VEPH1: variants seen among roughly 807,000 people sequenced by gnomAD.
VEPH1 encodes ventricular zone expressed PH domain containing 1.
Under a neutral mutation model 85.2 loss-of-function variants are expected in VEPH1, and 80 were observed. That is an observed-to-expected ratio of 0.94 (90% CI 0.78 to 1.13). The LOEUF (loss-of-function observed/expected upper bound fraction) is 1.13, where lower values mean the gene tolerates loss of function less well. Among genes scored for constraint, VEPH1 ranks in the 50% most tolerant of loss-of-function variants. VEPH1 has a pLI of 0.00. For missense variants in VEPH1, 955 were observed against 980.5 expected, an observed-to-expected ratio of 0.97 and a Z score of 0.35; for synonymous variants, 297 against 348.0, an observed-to-expected ratio of 0.85 and a Z score of 1.63.
chr3:157,406,767 A>T (rs1418465273), intron 6 of VEPH1, among the ~76,000 whole-genome samples: 4 of 152,088 alleles, frequency 2.6e-5, no homozygotes, highest in African/African-American at 4.8e-5. Flanking sequence ...TGTAAAAAAA[A>T]TTTTAAAGCA....
chr3:157,483,256 A>G (rs902383632), intron 2 of VEPH1, among the ~76,000 whole-genome samples: 1 of 152,164 alleles, frequency 6.6e-6, no homozygotes, highest in Non-Finnish European at 1.5e-5. Flanking sequence ...CAGAACTGAC[A>G]GTATTGCTGG....
At chr3:157,294,961 G>T (rs1273548224) in intron 11 of VEPH1, among the ~76,000 whole-genome samples, 1 of 152,150 alleles carries the variant, frequency 6.6e-6, no homozygotes, top group Non-Finnish European at 1.5e-5. Context: ...ACCTGGAGGG[G>T]TTTATTTACA....
intron 2 of VEPH1, among the ~76,000 whole-genome samples, chr3:157,482,302 T>C (rs1187273056): frequency 6.6e-6 from 1 of 152,104 alleles, no homozygotes; most frequent in African/African-American, 2.4e-5. Flanking sequence ...CAACTCACCG[T>C]AACCTCTGCC....
intron 4 of VEPH1, among the ~76,000 whole-genome samples, chr3:157,444,727 C>T (rs967618512): frequency 4.6e-5 from 7 of 151,978 alleles, no homozygotes; most frequent in Non-Finnish European, 2.9e-5. Flanking sequence ...TGTTGCAGGC[C>T]GAGATAAATG....
At chr3:157,393,568 A>C (rs1730085195) in intron 6 of VEPH1, among the ~76,000 whole-genome samples, 1 of 152,208 alleles carries the variant, frequency 6.6e-6, no homozygotes, top group Admixed American at 6.5e-5. Context: ...TTTCAATATC[A>C]GGTATACTAT....
chr3:157,282,590 G>A (rs1327473610), intron 12 of VEPH1, among the ~76,000 whole-genome samples: 1 of 152,180 alleles, frequency 6.6e-6, no homozygotes, highest in African/African-American at 2.4e-5. Flanking sequence ...ACTCTAAGTT[G>A]TTTTTTGTAG....
At chr3:157,272,427 C>CT (rs1714809864) in intron 12 of VEPH1, among the ~76,000 whole-genome samples, 2 of 130,864 alleles carry the variant, frequency 1.5e-5, no homozygotes, top group South Asian at 4.9e-4. Flanking sequence ...TTCTTTCTTT[C>CT]TTTCTTTCTT....
intron 6 of VEPH1, among the ~76,000 whole-genome samples, chr3:157,398,575 A>C (rs1441223957): frequency 6.6e-6 from 1 of 151,836 alleles, no homozygotes; most frequent in Non-Finnish European, 1.5e-5. Flanking sequence ...TGGAGGTTGC[A>C]GTGAGCCAAG....
At position 157,313,616 on chromosome 3, in the gene VEPH1, T is replaced by C. The variant is rs1424705789; in HGVS notation, c.2010+5A>G. 2 of 1,613,646 alleles carry C rather than the reference T, an allele frequency of 1.2e-6. No homozygotes were observed. The highest frequency in any genetic ancestry group is 1.3e-5 in the African/African-American group (1 of 74,890). On this transcript the variant is annotated splice_donor_5th_base_variant and intron_variant, in intron 11 of 13. Coordinates refer to ENST00000362010, the MANE Select transcript of VEPH1 (RefSeq NM_001167912.2). ...TGTAACATGGCCAAGGAAAGGAATATTTACCTTCTGCTGTGGAAACGTGGA... is the reference window on the plus strand; with the variant it reads ...TGTAACATGGCCAAGGAAAGGAATACTTACCTTCTGCTGTGGAAACGTGGA...
chr3:157,281,828 G>A (rs12489852), intron 12 of VEPH1, among the ~76,000 whole-genome samples: 35,464 of 152,044 alleles, frequency 0.23, 4,271 homozygotes, highest in Non-Finnish European at 0.27. Flanking sequence ...GAGCCACTAC[G>A]CCCGGCCAAA....
intron 5 of VEPH1, among the ~76,000 whole-genome samples, chr3:157,422,203 G>A (rs1732398174): frequency 6.6e-6 from 1 of 152,098 alleles, no homozygotes; most frequent in Non-Finnish European, 1.5e-5. Flanking sequence ...AGGCCCAGAT[G>A]GTTTTAGGAT....
intron 13 of VEPH1, among the ~76,000 whole-genome samples, chr3:157,261,715 A>C (rs933490092): frequency 1.3e-5 from 2 of 152,178 alleles, no homozygotes; most frequent in African/African-American, 2.4e-5. Context: ...TTATAACTTC[A>C]GGTAGTTTGG....
chr3:157,344,226 G>A (rs904706491), intron 9 of VEPH1, among the ~76,000 whole-genome samples: 3 of 152,126 alleles, frequency 2.0e-5, no homozygotes, highest in African/African-American at 7.2e-5. Flanking sequence ...TAGGAAAAGA[G>A]GAAGTGAAAT....
chr3:157,496,002 A>G (rs1194482598), intron 1 of VEPH1, among the ~76,000 whole-genome samples: 2 of 152,212 alleles, frequency 1.3e-5, no homozygotes, highest in Non-Finnish European at 2.9e-5. Context: ...CTAGCAGTAG[A>G]AGTTCCCTGC....
intron 8 of VEPH1, among the ~76,000 whole-genome samples, chr3:157,364,026 C>T (rs977592211): frequency 1.1e-4 from 16 of 152,108 alleles, no homozygotes; most frequent in African/African-American, 3.1e-4. Flanking sequence ...TCATCTTTGT[C>T]TACTTTTGCT....
At chr3:157,433,691 C>A (rs1316629168) in intron 4 of VEPH1, among the ~76,000 whole-genome samples, 2 of 152,164 alleles carry the variant, frequency 1.3e-5, no homozygotes, top group Admixed American at 1.3e-4. Context: ...GTTTTCCTTT[C>A]TTGTATTGTC....
At chr3:157,385,157 A>C (rs1306462137) in intron 6 of VEPH1, among the ~76,000 whole-genome samples, 1 of 151,506 alleles carries the variant, frequency 6.6e-6, no homozygotes, top group African/African-American at 2.4e-5. Context: ...GCTCAAGGCC[A>C]CATATGCCCT....
chr3:157,314,330 C>CAAA (rs34703314), intron 10 of VEPH1, among the ~76,000 whole-genome samples: 1,277 of 43,044 alleles, frequency 0.03, 135 homozygotes, highest in Non-Finnish European at 0.047. Context: ...GAGGATCCGT[C>CAAA]AAAAAAAAAA....
At chr3:157,343,018 A>C (rs192803042) in intron 9 of VEPH1, among the ~76,000 whole-genome samples, 98 of 152,356 alleles carry the variant, frequency 6.4e-4, no homozygotes, top group African/African-American at 2.2e-3. Flanking sequence ...TCTGGGACAC[A>C]TTTAAAGCAG....
Sources: allele counts gnomAD v4.1 joint callset (sites outside exome capture counted in the v4.1 genomes callset), GRCh38; gene constraint gnomAD v4.1.1; transcripts MANE v1.5; gene names NCBI Gene and HGNC (gene_info 2026-07-23, HGNC 2026-07-21).